C4BPB: variants seen among roughly 807,000 people sequenced by gnomAD.
The protein encoded by C4BPB is C4b-binding protein beta chain.
C4BPB carries 19 observed loss-of-function variants against 26.6 expected under a neutral mutation model. The observed-to-expected ratio is 0.71, with a 90% CI of 0.50 to 1.05. C4BPB has a LOEUF of 1.05. C4BPB is among the 50% of genes least tolerant of loss of function. The pLI is 0.00. For synonymous variants in C4BPB, 118 were observed against 103.5 expected, an observed-to-expected ratio of 1.14 and a Z score of -0.85; for missense variants, 282 against 302.9, an observed-to-expected ratio of 0.93 and a Z score of 0.51.
chr1:207,099,978 C>T lies in C4BPB; in HGVS notation c.*49C>T. ...AGAAATAAACCTATGAATAAATTTT[C>T]TTCTTGGTTCTGAAATTGGTTTCAG... On this transcript the variant is annotated 3_prime_UTR_variant, in exon 7 of 7. Coordinates refer to ENST00000367078, the MANE Select transcript of C4BPB (RefSeq NM_001017365.3). 1 of 1,539,864 alleles carries T rather than the reference C, an allele frequency of 6.5e-7. No homozygotes were observed. The highest frequency in any genetic ancestry group is 8.8e-7 in the Non-Finnish European group (1 of 1,138,060).
chr1:207,096,056 A>G (rs903989377), intron 4 of C4BPB: 3 of 184,028 alleles, frequency 1.6e-5, no homozygotes, highest in Non-Finnish European at 3.4e-5. Flanking sequence ...TCTGTATCAC[A>G]ATGTGAGATG....
At chr1:207,098,727 G>T (rs2102317216) in intron 6 of C4BPB, among the ~76,000 whole-genome samples, 1 of 152,272 alleles carries the variant, frequency 6.6e-6, no homozygotes, top group South Asian at 2.1e-4. Flanking sequence ...TAGAATCAGT[G>T]GGAGCCCTGA....
intron 1 of C4BPB, 21 bp from the exon 2 acceptor site, chr1:207,089,461 A>G (rs1013853792): frequency 7.4e-7 from 1 of 1,356,530 alleles, no homozygotes. Context: ...GTGTTAGAAG[A>G]TCTATTTTTT....
At chr1:207,099,749 G>A in intron 6 of C4BPB, 40 bp from the exon 7 acceptor site, 1 of 1,592,398 alleles carries the variant, frequency 6.3e-7, no homozygotes, top group Non-Finnish European at 8.6e-7. Flanking sequence ...CTGGGTCTCA[G>A]TCCTTATGTT....
chr1:207,096,450 T>G (rs987353754), intron 4 of C4BPB, 72 bp from the exon 5 acceptor site: 1 of 893,478 alleles, frequency 1.1e-6, no homozygotes, highest in Non-Finnish European at 1.9e-6. Flanking sequence ...CATAAACAGC[T>G]GCAATTAGGG....
chr1:207,090,582 A>C (rs1344442823), intron 3 of C4BPB, 101 bp downstream of exon 3: 30 of 1,108,006 alleles, frequency 2.7e-5, no homozygotes, highest in Non-Finnish European at 2.5e-6. Context: ...TAAGAAAACA[A>C]AAATTCTCAA....
At chr1:207,093,578 C>G (rs1000856023) in intron 4 of C4BPB, among the ~76,000 whole-genome samples, 11 of 152,070 alleles carry the variant, frequency 7.2e-5, no homozygotes, top group Admixed American at 3.3e-4. Flanking sequence ...AAAGTTAGGG[C>G]TCTAGCTCAC....
chr1:207,092,569 C>T (rs931146036), intron 4 of C4BPB, among the ~76,000 whole-genome samples: 1 of 150,690 alleles, frequency 6.6e-6, no homozygotes, highest in South Asian at 2.1e-4. Context: ...TGGAACAATG[C>T]TGAAATGAAT....
intron 4 of C4BPB, among the ~76,000 whole-genome samples, chr1:207,092,849 A>G (rs1684090826): frequency 6.7e-6 from 1 of 150,162 alleles, no homozygotes; most frequent in Admixed American, 6.6e-5. Context: ...CTGGTCTTGA[A>G]CTCCTGATCT....
intron 4 of C4BPB, 119 bp downstream of exon 4, chr1:207,091,939 T>A: frequency 2.4e-6 from 2 of 817,142 alleles, no homozygotes; most frequent in Non-Finnish European, 3.7e-6. Context: ...AGGCTTAAGA[T>A]CTAGCAGACA....
chr1:207,092,748 C>T lies in C4BPB; in HGVS notation c.409+928C>T, dbSNP rs562733295. On this transcript the variant is annotated intron_variant, in intron 4 of 6. Coordinates refer to ENST00000367078, the MANE Select transcript of C4BPB (RefSeq NM_001017365.3). ...GTTCTAGCGATTCTGCTGCCTCAGC[C>T]TCCCGAGTAGCTGGGTTACAGGTGC... is the stretch of plus-strand genomic sequence containing the variant. Among the ~76,000 whole-genome samples the T allele has an allele frequency of 2.0e-4, 31 of 151,760 alleles. No individual in the cohort carries two copies. The South Asian group carries it at 6.5e-3, about 32-fold the overall frequency.
chr1:207,091,431 T>C (rs765191196), intron 3 of C4BPB, among the ~76,000 whole-genome samples: 35 of 152,224 alleles, frequency 2.3e-4, no homozygotes, highest in Non-Finnish European at 3.7e-4. Context: ...GTTGTTCTTG[T>C]GCATGACAAA....
At chr1:207,090,665 C>T (rs549084346) in intron 3 of C4BPB, among the ~76,000 whole-genome samples, 184 bp downstream of exon 3, 8 of 152,308 alleles carry the variant, frequency 5.3e-5, no homozygotes, top group Middle Eastern at 3.4e-3. Context: ...AGATCTTGAT[C>T]AGTATTAATT....
intron 4 of C4BPB, chr1:207,095,167 C>T (rs565249762): frequency 1.5e-5 from 6 of 399,794 alleles, no homozygotes; most frequent in African/African-American, 1.2e-4. Flanking sequence ...ATTTAACCTG[C>T]TTATCTGATA....
intron 4 of C4BPB, chr1:207,095,765 T>C (rs1265196134): frequency 3.2e-6 from 1 of 312,276 alleles, no homozygotes; most frequent in African/African-American, 2.2e-5. Flanking sequence ...GGATTTCTCA[T>C]GAATGGTCTA....
At chr1:207,090,197 A>G (rs780834751) in intron 2 of C4BPB, 111 bp from the exon 3 acceptor site, 33 of 843,970 alleles carry the variant, frequency 3.9e-5, no homozygotes, top group Non-Finnish European at 5.8e-5. Flanking sequence ...GGAAGAGCAC[A>G]GGAATCAGGA....
Position 207,090,490 on chromosome 1 carries a change from G to C in C4BPB, c.232+9G>C, listed in dbSNP as rs770628117. On this transcript the variant is annotated intron_variant, in intron 3 of 6. Transcript: ENST00000367078. The stretch of plus-strand genomic sequence containing the variant: ...CACTACTGAGTGCCGCTGTAAGTTA[G>C]ATCTTTCTGTATCTTTGCCCATATT... 6.3e-7 allele frequency: 1 copy of C among 1,594,038 alleles called. No homozygotes were observed. Among genetic ancestry groups the C allele is most frequent in the Non-Finnish European group, 8.5e-7 (1 of 1,169,994 alleles).
intron 2 of C4BPB, among the ~76,000 whole-genome samples, chr1:207,090,051 C>T (rs1012011102): frequency 6.6e-6 from 1 of 152,200 alleles, no homozygotes; most frequent in Non-Finnish European, 1.5e-5. Flanking sequence ...GTGGGCGGAT[C>T]ACGAGGTCAA....
rs56258224 is a variant in C4BPB, at chr1:207,091,715, A to C, written c.304A>C (p.Lys102Gln). ...SSSGPVNVSD[K>Q]ITFMCNDHYI... is the part of the protein sequence containing the mutation. ...TTCAGGGCCTGTGAATGTAAGTGACAAAATCACGTTTATGTGCAATGACCA... is the reference window on the plus strand; with the variant it reads ...TTCAGGGCCTGTGAATGTAAGTGACCAAATCACGTTTATGTGCAATGACCA... The change falls in exon 4 of 7, where the codon AAA (lysine) becomes CAA (glutamine). Residue 102 changes from lysine to glutamine, a missense_variant. Physicochemically the swap from Lys to Gln is moderately conservative, Grantham distance 53 (BLOSUM62 1). Coordinates refer to ENST00000367078, the MANE Select transcript of C4BPB (RefSeq NM_001017365.3). 619 of 1,614,104 alleles carry C rather than the reference A, an allele frequency of 3.8e-4. 2 individuals carry two copies. The African/African-American group carries it at 7.3e-3, about 19-fold the overall frequency.
Sources: gnomAD v4.1 joint callset for allele counts (sites outside exome capture counted in the v4.1 genomes callset) on GRCh38, gnomAD v4.1.1 for gene constraint, MANE v1.5 for transcripts, NCBI Gene and HGNC (gene_info 2026-07-23, HGNC 2026-07-21) for gene names.